MACROD2: variants seen among roughly 807,000 people sequenced by gnomAD.
MACROD2 encodes mono-ADP ribosylhydrolase 2.
Under a neutral mutation model 70.4 loss-of-function variants are expected in MACROD2, and 36 were observed. The ratio of observed to expected loss-of-function variants is 0.51; its 90% CI spans 0.39 to 0.68. MACROD2 has a LOEUF of 0.68. Ranked by LOEUF, MACROD2 falls within the 30% of genes least tolerant of loss-of-function variation. The pLI is 0.00. For synonymous variants in MACROD2, 172 were observed against 178.8 expected (o/e 0.96, Z 0.30); for missense variants, 496 against 538.4 (o/e 0.92, Z 0.78).
At chr20:14,509,637 A>G (rs2085007278) in intron 4 of MACROD2, among the ~76,000 whole-genome samples, 1 of 151,944 alleles carries the variant, frequency 6.6e-6, no homozygotes, top group South Asian at 2.1e-4. Context: ...TGAGTTTCTT[A>G]TCTCTAATGA....
At chr20:15,686,872 C>CAAAAAA (rs142175244) in intron 8 of MACROD2, among the ~76,000 whole-genome samples, 2 of 69,296 alleles carry the variant, frequency 2.9e-5, no homozygotes, top group East Asian at 4.1e-4. Flanking sequence ...GACTCCATCT[C>CAAAAAA]AAAAAAAAAA....
intron 8 of MACROD2, among the ~76,000 whole-genome samples, chr20:15,658,688 G>T (rs2049770809): frequency 6.6e-6 from 1 of 152,164 alleles, no homozygotes; most frequent in South Asian, 2.1e-4. Context: ...TTATTTACAT[G>T]ATCTGATTTC....
At chr20:14,204,832 A>G (rs2081509775) in intron 3 of MACROD2, among the ~76,000 whole-genome samples, 1 of 152,040 alleles carries the variant, frequency 6.6e-6, no homozygotes, top group African/African-American at 2.4e-5. Flanking sequence ...AGTGCCTGGA[A>G]CTTCTAGTCA....
intron 3 of MACROD2, among the ~76,000 whole-genome samples, chr20:14,477,438 T>C (rs2084608619): frequency 6.6e-6 from 1 of 152,176 alleles, no homozygotes; most frequent in African/African-American, 2.4e-5. Flanking sequence ...TTTAAAGTTG[T>C]AGCACAAGAT....
At chr20:15,001,246 A>G (rs113433024) in intron 5 of MACROD2, among the ~76,000 whole-genome samples, 1 of 152,170 alleles carries the variant, frequency 6.6e-6, no homozygotes, top group African/African-American at 2.4e-5. Flanking sequence ...AAGCTACCAG[A>G]TCACCTCTCA....
chr20:14,565,093 A>G (rs184315477), intron 4 of MACROD2, among the ~76,000 whole-genome samples: 2 of 152,112 alleles, frequency 1.3e-5, no homozygotes, highest in Non-Finnish European at 1.5e-5. Flanking sequence ...CAGAAAGTCA[A>G]AAACCACATG....
At chr20:14,624,263 C>T (rs138129279) in intron 4 of MACROD2, among the ~76,000 whole-genome samples, 95 of 152,214 alleles carry the variant, frequency 6.2e-4, no homozygotes, top group African/African-American at 2.2e-3. Flanking sequence ...CAGTGAGACA[C>T]GTTAAGAAGG....
At chr20:15,612,975 G>C (rs1393518577) in intron 8 of MACROD2, among the ~76,000 whole-genome samples, 1 of 152,204 alleles carries the variant, frequency 6.6e-6, no homozygotes, top group Non-Finnish European at 1.5e-5. Flanking sequence ...CTGGGCACGG[G>C]AGCCAAGAGA....
rs866231619 is a variant in MACROD2, at chr20:14,478,114, G to T, written c.272-15365G>T. Among the ~76,000 whole-genome samples the T allele has an allele frequency of 7.2e-5, 11 of 152,166 alleles. 1 individual carries two copies. The South Asian group carries it at 8.3e-4, about 11-fold the overall frequency. Reference sequence around the variant, plus strand: ...TAGGATAAAAACCTGTGAAAGAATGGAAAAGGAGGCAAAACTGAGTAGTGG... The same window carrying T: ...TAGGATAAAAACCTGTGAAAGAATGTAAAAGGAGGCAAAACTGAGTAGTGG... On this transcript the variant is annotated intron_variant, in intron 3 of 17. Coordinates refer to ENST00000684519, the MANE Select transcript of MACROD2 (RefSeq NM_001351661.2).
chr20:15,783,461 C>T (rs1457040665), intron 8 of MACROD2, among the ~76,000 whole-genome samples: 2 of 152,116 alleles, frequency 1.3e-5, no homozygotes, highest in East Asian at 1.9e-4. Flanking sequence ...CTACCTATCA[C>T]TCTGGGGAGT....
chr20:14,497,100 G>T (rs1266996314), intron 4 of MACROD2, among the ~76,000 whole-genome samples: 1 of 151,626 alleles, frequency 6.6e-6, no homozygotes, highest in Non-Finnish European at 1.5e-5. Flanking sequence ...GGGTAATTCT[G>T]TTTACACCAG....
intron 8 of MACROD2, among the ~76,000 whole-genome samples, chr20:15,734,852 A>G (rs2050997962): frequency 6.6e-6 from 1 of 152,218 alleles, no homozygotes; most frequent in African/African-American, 2.4e-5. Flanking sequence ...GCTTTCCATT[A>G]TGATAGCAAA....
chr20:15,263,810 C>A (rs2077269517), intron 6 of MACROD2, among the ~76,000 whole-genome samples: 1 of 151,948 alleles, frequency 6.6e-6, no homozygotes, highest in African/African-American at 2.4e-5. Context: ...AATGCTATTA[C>A]TTTCTTGATT....
intron 3 of MACROD2, among the ~76,000 whole-genome samples, chr20:14,099,383 G>A (rs887580049): frequency 4.6e-5 from 7 of 151,986 alleles, no homozygotes; most frequent in African/African-American, 9.7e-5. Context: ...TTCTAGTAAC[G>A]TGGATTACTT....
intron 5 of MACROD2, among the ~76,000 whole-genome samples, chr20:14,958,676 A>C (rs981006750): frequency 2.6e-5 from 4 of 152,160 alleles, no homozygotes; most frequent in African/African-American, 9.7e-5. Context: ...TATGTAACCT[A>C]TTCCTAATCA....
intron 4 of MACROD2, chr20:14,626,974 G>A (rs1324433373): frequency 1.3e-5 from 2 of 152,210 alleles, no homozygotes; most frequent in Admixed American, 6.6e-5. Context: ...GTAGAGGATG[G>A]AGACAATGAA....
At chr20:14,849,881 C>A (rs1265191200) in intron 5 of MACROD2, 1 of 480,264 alleles carries the variant, frequency 2.1e-6, no homozygotes, top group South Asian at 1.6e-5. Flanking sequence ...AACCCTTACT[C>A]TGGCATTTGT....
At chr20:14,544,346 G>C (rs1310028190) in intron 4 of MACROD2, among the ~76,000 whole-genome samples, 1 of 151,704 alleles carries the variant, frequency 6.6e-6, no homozygotes, top group Non-Finnish European at 1.5e-5. Flanking sequence ...AGCAAAATGA[G>C]TTTAAAATCA....
intron 2 of MACROD2, among the ~76,000 whole-genome samples, chr20:14,032,919 A>G (rs752754738): frequency 2.3e-4 from 35 of 152,168 alleles, no homozygotes; most frequent in Non-Finnish European, 4.0e-4. Context: ...GCTAGCTTTT[A>G]TAATTATTAT....
Sources: allele counts gnomAD v4.1 joint callset (sites outside exome capture counted in the v4.1 genomes callset), GRCh38; gene constraint gnomAD v4.1.1; transcripts MANE v1.5; gene names NCBI Gene and HGNC (gene_info 2026-07-23, HGNC 2026-07-21).